Variants in RELN observed in about 807,000 individuals in gnomAD.
RELN encodes the protein reelin.
RELN carries 108 observed loss-of-function variants against 427.6 expected under a neutral mutation model. The ratio of observed to expected loss-of-function variants is 0.25; its 90% CI spans 0.22 to 0.30. The LOEUF (loss-of-function observed/expected upper bound fraction) is 0.30, where lower values mean the gene tolerates loss of function less well. Among genes scored for constraint, RELN ranks in the 10% least tolerant of loss-of-function variants. RELN has a pLI of 1.00. For synonymous variants in RELN, 1,524 were observed against 1,513.4 expected (o/e 1.01, Z -0.16); for missense variants, 3,715 against 4,302.8 (o/e 0.86, Z 3.82).
At chr7:103,959,311 C>G (rs1026685790) in intron 1 of RELN, among the ~76,000 whole-genome samples, 3 of 152,140 alleles carry the variant, frequency 2.0e-5, no homozygotes, top group Non-Finnish European at 2.9e-5. Context: ...TGGATTTCCT[C>G]TTTCTTCTAG....
At chr7:103,853,881 A>C (rs2116471391) in intron 2 of RELN, among the ~76,000 whole-genome samples, 1 of 152,240 alleles carries the variant, frequency 6.6e-6, no homozygotes, top group Non-Finnish European at 1.5e-5. Flanking sequence ...GTTACAGCTA[A>C]GTGGGAGGAA....
At chr7:103,743,857 G>C (rs1364642883) in intron 6 of RELN, among the ~76,000 whole-genome samples, 1 of 152,094 alleles carries the variant, frequency 6.6e-6, no homozygotes, top group Admixed American at 6.6e-5. Flanking sequence ...AGATCAACAA[G>C]ACAGAAAGTT....
At position 103,697,884 on chromosome 7, in the gene RELN, T is replaced by C; in HGVS notation, c.1112A>G (p.Asn371Ser). Reference protein sequence around the residue: ...EDSLDPVDTGNWLFFPGATVK... With the variant: ...EDSLDPVDTGSWLFFPGATVK... ...TGTAGCTCCTGGGAAGAAAAGCCAGTTGCCTGTGTCCACTGGGTCGAGACT... is the reference window on the plus strand; with the variant it reads ...TGTAGCTCCTGGGAAGAAAAGCCAGCTGCCTGTGTCCACTGGGTCGAGACT... The change falls in exon 10 of 65, where the codon AAC becomes AGC. Residue 371 changes from asparagine to serine, a missense_variant. Transcript: ENST00000428762. 6.2e-7 allele frequency: 1 copy of C among 1,613,712 alleles called. No homozygotes were observed.
intron 31 of RELN, among the ~76,000 whole-genome samples, chr7:103,568,521 G>A (rs973750443): frequency 5.3e-5 from 8 of 152,176 alleles, no homozygotes; most frequent in Admixed American, 6.5e-5. Context: ...CATGTGTTGG[G>A]AAAGGGACAG....
At chr7:103,853,720 A>G (rs1793877674) in intron 2 of RELN, among the ~76,000 whole-genome samples, 1 of 152,010 alleles carries the variant, frequency 6.6e-6, no homozygotes, top group African/African-American at 2.4e-5. Context: ...TGTCAAATTT[A>G]TATGTCTCAT....
At chr7:103,511,179 G>A (rs1829400085) in intron 50 of RELN, among the ~76,000 whole-genome samples, 174 bp from the exon 51 acceptor site, 1 of 152,014 alleles carries the variant, frequency 6.6e-6, no homozygotes, top group Non-Finnish European at 1.5e-5. Flanking sequence ...AATACTAGGA[G>A]GATTGAGATA....
chr7:103,974,036 G>T (rs897362494), intron 1 of RELN, among the ~76,000 whole-genome samples: 13 of 152,096 alleles, frequency 8.5e-5, no homozygotes, highest in Non-Finnish European at 1.8e-4. Context: ...CCAGCTACTC[G>T]GGAGGCTGAG....
At chr7:103,716,569 T>G (rs932894498) in intron 8 of RELN, among the ~76,000 whole-genome samples, 29 of 152,204 alleles carry the variant, frequency 1.9e-4, no homozygotes, top group African/African-American at 6.8e-4. Context: ...ACTCCCTTGC[T>G]TCAGAAGTCA....
chr7:103,480,065 C>T (rs1323974160), intron 63 of RELN, among the ~76,000 whole-genome samples: 3 of 152,144 alleles, frequency 2.0e-5, no homozygotes, highest in African/African-American at 7.2e-5. Flanking sequence ...CATACAGTTA[C>T]GTAGGGTTTG....
intron 1 of RELN, among the ~76,000 whole-genome samples, chr7:103,920,143 C>T (rs1159755563): frequency 6.6e-6 from 1 of 152,044 alleles, no homozygotes; most frequent in Non-Finnish European, 1.5e-5. Context: ...TACTCTGATT[C>T]AGAATGTTAT....
intron 10 of RELN, 72 bp from the exon 11 acceptor site, chr7:103,682,333 A>G: frequency 6.5e-7 from 1 of 1,543,276 alleles, no homozygotes; most frequent in Non-Finnish European, 8.9e-7. Context: ...ACTCATGTAT[A>G]ATTAGAGTTT....
At chr7:103,925,272 T>A (rs1464176609) in intron 1 of RELN, among the ~76,000 whole-genome samples, 1 of 152,142 alleles carries the variant, frequency 6.6e-6, no homozygotes, top group East Asian at 1.9e-4. Flanking sequence ...CTCTACCCAT[T>A]TTTAGCCCCA....
chr7:103,653,972 C>A (rs1333227634), intron 13 of RELN, 121 bp downstream of exon 13: 2 of 729,476 alleles, frequency 2.7e-6, no homozygotes, highest in Non-Finnish European at 5.1e-6. Context: ...AACCTGGCGA[C>A]CTCTGGCCTG....
intron 3 of RELN, among the ~76,000 whole-genome samples, chr7:103,780,669 A>C (rs888980315): frequency 6.6e-6 from 1 of 152,030 alleles, no homozygotes; most frequent in Non-Finnish European, 1.5e-5. Flanking sequence ...TTCTGTTCCT[A>C]TGTTAGTTTG....
chr7:103,494,011 C>T (rs949992958), intron 57 of RELN, among the ~76,000 whole-genome samples: 1 of 152,036 alleles, frequency 6.6e-6, no homozygotes, highest in African/African-American at 2.4e-5. Flanking sequence ...GAGGAGGCTC[C>T]AATCAACTCA....
At chr7:103,819,678 G>T (rs1050354438) in intron 3 of RELN, among the ~76,000 whole-genome samples, 1 of 151,926 alleles carries the variant, frequency 6.6e-6, no homozygotes, top group African/African-American at 2.4e-5. Flanking sequence ...GAGATCCATA[G>T]AATGAAATAT....
chr7:103,623,493 T>C (rs1449896833), intron 20 of RELN, among the ~76,000 whole-genome samples: 1 of 152,206 alleles, frequency 6.6e-6, no homozygotes, highest in Non-Finnish European at 1.5e-5. Context: ...TTTTTTTCCT[T>C]GTAAACCAAG....
At chr7:103,500,652 G>A in intron 53 of RELN, 93 bp downstream of exon 53, 2 of 1,285,334 alleles carry the variant, frequency 1.6e-6, no homozygotes, top group Non-Finnish European at 2.2e-6. Context: ...GGACCCAAAG[G>A]ACATTGTTAT....
chr7:103,642,400 G>C (rs965025872), intron 16 of RELN, among the ~76,000 whole-genome samples: 1 of 140,296 alleles, frequency 7.1e-6, no homozygotes. Flanking sequence ...TTGGGAAGGA[G>C]TATGTGTCCT....
Sources: allele counts gnomAD v4.1 joint callset (sites outside exome capture counted in the v4.1 genomes callset), GRCh38; gene constraint gnomAD v4.1.1; transcripts MANE v1.5; gene names NCBI Gene and HGNC (gene_info 2026-07-23, HGNC 2026-07-21).